TRPC4AP: variants seen among roughly 807,000 people sequenced by gnomAD.
TRPC4AP encodes the protein transient receptor potential cation channel subfamily C member 4 associated protein.
A neutral mutation model predicts 99.0 loss-of-function variants in TRPC4AP; 45 were observed. The observed-to-expected ratio is 0.45, with a 90% CI of 0.36 to 0.58. TRPC4AP has a LOEUF of 0.58. Ranked by LOEUF, TRPC4AP falls within the 20% of genes least tolerant of loss-of-function variation. The pLI is 0.00. For missense variants in TRPC4AP, 879 were observed against 985.3 expected (o/e 0.89, Z 1.44); for synonymous variants, 408 against 385.8 (o/e 1.06, Z -0.67).
chr20:35,060,852 G>A (rs1159093669), intron 3 of TRPC4AP, among the ~76,000 whole-genome samples: 2 of 152,000 alleles, frequency 1.3e-5, no homozygotes, highest in Non-Finnish European at 2.9e-5. Context: ...GCCTGATAAA[G>A]GGCTTTTATT....
At chr20:35,017,742 C>T (rs569342817) in intron 9 of TRPC4AP, among the ~76,000 whole-genome samples, 1 of 152,304 alleles carries the variant, frequency 6.6e-6, no homozygotes, top group East Asian at 1.9e-4. Context: ...CCCTGGCAGC[C>T]TCCATTTCCA....
intron 5 of TRPC4AP, among the ~76,000 whole-genome samples, chr20:35,053,185 T>C (rs1157401813): frequency 6.6e-6 from 1 of 152,244 alleles, no homozygotes; most frequent in East Asian, 1.9e-4. Context: ...GTCTTTTCTT[T>C]ATGCTAAGAA....
At position 35,007,621 on chromosome 20, in the gene TRPC4AP, C is replaced by A. The variant is rs778506654; in HGVS notation, c.1615G>T (p.Val539Leu). ...SSFRFWQARA[V>L]ESFLRGTTSY... ...GTGGTCCCTCGGAGGAAACTCTCCA[C>A]AGCCCGAGCTTGCCAAAACCTGCGA... is the stretch of plus-strand genomic sequence containing the variant. Residue 539 changes from valine to leucine, a missense_variant, in exon 14 of 19, where the codon GTG (valine) becomes TTG (leucine). This residue lies in a region of TRPC4AP where 52 missense variants were observed against 88.7 expected (regional missense o/e 0.59). Coordinates refer to ENST00000252015, the MANE Select transcript of TRPC4AP (RefSeq NM_015638.3). 13 of 1,614,254 alleles carry A rather than the reference C, an allele frequency of 8.1e-6. No homozygotes were observed. Among genetic ancestry groups the A allele is most frequent in the Non-Finnish European group, 1.1e-5 (13 of 1,180,040 alleles).
At position 35,090,377 on chromosome 20, in the gene TRPC4AP, CT is replaced by C. The variant is rs71196792; in HGVS notation, c.168+2236del. ...TTCCAGCAGCCTTGTATCTGGTGAG[CT>C]TTTTTTTTTTTTTTTTGAGATGAAG... On this transcript the variant is annotated intron_variant, in intron 1 of 18. Transcript: ENST00000252015. Among the ~76,000 whole-genome samples the C allele has an allele frequency of 9.3e-4, 83 of 88,976 alleles. 3 individuals carry two copies. The highest frequency in any genetic ancestry group is 5.2e-3 in the South Asian group (13 of 2,484). 58.4% of individuals were successfully genotyped at this position (88,976 alleles called of 152,430 possible). A position where few individuals can be genotyped will look rare whatever the true frequency, so the allele number is the denominator to read the frequency against.
intron 2 of TRPC4AP, among the ~76,000 whole-genome samples, chr20:35,069,715 C>T (rs767839417): frequency 2.0e-5 from 3 of 152,010 alleles, no homozygotes; most frequent in South Asian, 4.1e-4. Flanking sequence ...CTAAGGTGGG[C>T]GGATTACTTG....
intron 8 of TRPC4AP, among the ~76,000 whole-genome samples, chr20:35,022,412 TCC>T (rs989187619): frequency 2.0e-5 from 3 of 152,212 alleles, no homozygotes; most frequent in African/African-American, 7.2e-5. Context: ...CGCCTCAGCC[TCC>T]CAAAGTGCTG....
intron 10 of TRPC4AP, among the ~76,000 whole-genome samples, chr20:35,014,915 CT>C (rs1393660745): frequency 2.0e-5 from 3 of 152,224 alleles, no homozygotes; most frequent in African/African-American, 2.4e-5. Context: ...TCCAACAAGC[CT>C]TCCAATGTCC....
intron 1 of TRPC4AP, among the ~76,000 whole-genome samples, chr20:35,082,398 C>T (rs1416755220): frequency 6.6e-6 from 1 of 152,136 alleles, no homozygotes; most frequent in Non-Finnish European, 1.5e-5. Flanking sequence ...AACTGAAATA[C>T]AGACTATGTT....
chr20:35,066,349 C>T (rs985077539), intron 3 of TRPC4AP, among the ~76,000 whole-genome samples: 3 of 152,060 alleles, frequency 2.0e-5, no homozygotes, highest in Non-Finnish European at 2.9e-5. Flanking sequence ...TCATGCAATC[C>T]GCCTGCTTCG....
At chr20:35,083,962 T>TA (rs202216379) in intron 1 of TRPC4AP, among the ~76,000 whole-genome samples, 2,442 of 140,298 alleles carry the variant, frequency 0.017, 20 homozygotes, top group African/African-American at 0.031. Context: ...ATGATTTCTT[T>TA]AAAAAAAAAA....
rs1168356535 is a variant in TRPC4AP at position 35,086,473 on chromosome 20, GTGTATGTGTGTGTATA to G, written c.168+6125_168+6140del. On this transcript the variant is annotated intron_variant, in intron 1 of 18. Transcript: ENST00000252015. ...TGTGTGTGTGTGTGTGTGTGTGTGT[GTGTATGTGTGTGTATA>G]TATATATGTGTATATATATGTGTGT... 7.9e-3 allele frequency among the ~76,000 whole-genome samples: 831 copies of G among 105,020 alleles called. 48 individuals are homozygous for G. Among genetic ancestry groups the G allele is most frequent in the African/African-American group, 0.033 (793 of 23,764 alleles). The allele number at this position is 105,020 out of a possible 152,430, so 68.9% of individuals were successfully genotyped here.
chr20:35,090,376 G>T (rs2085020535), intron 1 of TRPC4AP, among the ~76,000 whole-genome samples: 4 of 35,074 alleles, frequency 1.1e-4, no homozygotes, highest in East Asian at 1.0e-3. Context: ...TATCTGGTGA[G>T]CTTTTTTTTT....
At position 35,031,267 on chromosome 20, in the gene TRPC4AP, G is replaced by A. The variant is rs531136654; in HGVS notation, c.1051+3856C>T. 1.1e-4 allele frequency among the ~76,000 whole-genome samples: 16 copies of A among 150,684 alleles called. No individual in the cohort carries two copies. The East Asian group carries it at 1.2e-3, about 11-fold the overall frequency. On this transcript the variant is annotated intron_variant, in intron 8 of 18. Transcript: ENST00000252015. ...TTTTTCTTTTTGGAGGCAGGGTCTC[G>A]CTCTGTCACCCAGGCTGTGATTGCA...
chr20:35,004,735 G>A (rs886520129), intron 16 of TRPC4AP, among the ~76,000 whole-genome samples, 165 bp from the exon 17 acceptor site: 2 of 152,140 alleles, frequency 1.3e-5, no homozygotes, highest in Non-Finnish European at 2.9e-5. Context: ...ACCTCCAGCT[G>A]TCCTGCTACC....
chr20:35,049,080 A>T (rs2147373355), intron 6 of TRPC4AP, among the ~76,000 whole-genome samples: 1 of 152,312 alleles, frequency 6.6e-6, no homozygotes, highest in Non-Finnish European at 1.5e-5. Flanking sequence ...TCTGCCAACC[A>T]GCAACCAACA....
chr20:35,010,128 C>A, intron 12 of TRPC4AP, 59 bp downstream of exon 12: 3 of 1,469,982 alleles, frequency 2.0e-6, no homozygotes, highest in South Asian at 2.3e-5. Context: ...ACCGGTGAGC[C>A]CCCGGGGAAC....
At chr20:35,028,666 T>C (rs1468157202) in intron 8 of TRPC4AP, among the ~76,000 whole-genome samples, 1 of 152,206 alleles carries the variant, frequency 6.6e-6, no homozygotes, top group Non-Finnish European at 1.5e-5. Context: ...TGGAGGGTTC[T>C]ACAGTTCTCT....
At chr20:35,068,528 A>G (rs1319752989) in intron 3 of TRPC4AP, among the ~76,000 whole-genome samples, 2 of 152,118 alleles carry the variant, frequency 1.3e-5, no homozygotes, top group Non-Finnish European at 2.9e-5. Flanking sequence ...ACCAGGAAAC[A>G]CTAACCATTT....
rs66518839 is a variant in TRPC4AP at position 35,014,314 on chromosome 20, A to ATTTTT, written c.1351-1253_1351-1249dup. On this transcript the variant is annotated intron_variant, in intron 10 of 18. Transcript: ENST00000252015. ...AAGTGGCTAGAGGGCCTCAGGCAGA[A>ATTTTT]TTTTTTTTTTTTTTTTTTTTTGAGA... Among the ~76,000 whole-genome samples the ATTTTT allele has an allele frequency of 7.9e-3, 897 of 113,066 alleles. 31 individuals are homozygous for ATTTTT. The highest frequency in any genetic ancestry group is 0.022 in the African/African-American group (620 of 27,822). The allele number at this position is 113,066 out of a possible 152,430, so 74.2% of individuals were successfully genotyped here.
Sources: gnomAD v4.1 joint callset for allele counts (sites outside exome capture counted in the v4.1 genomes callset) on GRCh38, gnomAD v4.1.1 for gene constraint, gnomAD v4.1.1 regional missense constraint, MANE v1.5 for transcripts, NCBI Gene and HGNC (gene_info 2026-07-23, HGNC 2026-07-21) for gene names.